The following SCAI variants were observed in gnomAD, a reference collection of about 807,000 sequenced individuals.
SCAI encodes the protein protein SCAI.
A neutral mutation model predicts 92.2 loss-of-function variants in SCAI; 24 were observed. That is an observed-to-expected ratio of 0.26 (90% CI 0.19 to 0.37). The LOEUF is 0.37. SCAI is among the 10% of genes least tolerant of loss of function. SCAI has a pLI of 1.00. For missense variants in SCAI, 450 were observed against 736.2 expected, an observed-to-expected ratio of 0.61 and a Z score of 4.50; for synonymous variants, 261 against 258.6, an observed-to-expected ratio of 1.01 and a Z score of -0.09.
chr9:125,126,937 A>C (rs1218909038), intron 2 of SCAI, among the ~76,000 whole-genome samples: 1 of 152,172 alleles, frequency 6.6e-6, no homozygotes, highest in Non-Finnish European at 1.5e-5. Context: ...AGGTTTGTGC[A>C]TGTTTTCTGA....
intron 17 of SCAI, among the ~76,000 whole-genome samples, chr9:124,963,192 A>G (rs962081536): frequency 6.6e-6 from 1 of 150,382 alleles, no homozygotes; most frequent in Admixed American, 6.6e-5. Context: ...GCTGGAGTAC[A>G]ATGGTGCAAT....
chr9:125,027,165 C>T (rs2131084137), intron 5 of SCAI, among the ~76,000 whole-genome samples: 1 of 152,286 alleles, frequency 6.6e-6, no homozygotes, highest in South Asian at 2.1e-4. Flanking sequence ...ACATTATCCT[C>T]ATTCTTTGAA....
At chr9:125,074,055 C>A (rs1311927890) in intron 2 of SCAI, among the ~76,000 whole-genome samples, 1 of 151,320 alleles carries the variant, frequency 6.6e-6, no homozygotes, top group African/African-American at 2.4e-5. Flanking sequence ...GTCAAGAGAT[C>A]GAGACCGTCC....
At chr9:125,022,725 G>A (rs1392141726) in intron 6 of SCAI, among the ~76,000 whole-genome samples, 4 of 152,120 alleles carry the variant, frequency 2.6e-5, no homozygotes, top group Non-Finnish European at 5.9e-5. Flanking sequence ...GCCTCGAAGA[G>A]TCTCTTAAAA....
chr9:125,084,232 G>A lies in SCAI; in HGVS notation c.99-28225C>T, dbSNP rs549015677. 3.0e-5 allele frequency among the ~76,000 whole-genome samples: 4 copies of A among 132,224 alleles called. No individual in the cohort carries two copies. In the East Asian group the frequency reaches 6.8e-4, roughly 23 times the overall value. The allele number at this position is 132,224 out of a possible 152,430, so 86.7% of individuals were successfully genotyped here. ...TTTGCCCAGGCCGGAGTGCAGTGGC[G>A]CTATCTCGGCTCACTGCAAGCTCCG... On this transcript the variant is annotated intron_variant, in intron 2 of 17. Coordinates refer to ENST00000336505, the MANE Select transcript of SCAI (RefSeq NM_001144877.3).
chr9:125,139,884 C>T (rs1835625751), intron 2 of SCAI, among the ~76,000 whole-genome samples: 1 of 152,102 alleles, frequency 6.6e-6, no homozygotes, highest in Non-Finnish European at 1.5e-5. Flanking sequence ...AAATACAATG[C>T]AAGTTAAATG....
intron 2 of SCAI, among the ~76,000 whole-genome samples, chr9:125,127,316 T>TA (rs1835298354): frequency 2.0e-5 from 3 of 152,128 alleles, no homozygotes; most frequent in Non-Finnish European, 4.4e-5. Flanking sequence ...CACATAACTC[T>TA]AAGGAGGGGT....
At chr9:124,994,782 A>C in intron 14 of SCAI, 152 bp downstream of exon 14, 351 of 422,830 alleles carry the variant, frequency 8.3e-4, no homozygotes, top group East Asian at 1.2e-3. Flanking sequence ...GATCCTGACT[A>C]GCATGCACAA....
intron 14 of SCAI, among the ~76,000 whole-genome samples, chr9:124,985,994 A>C (rs1340642280): frequency 2.0e-5 from 3 of 151,996 alleles, no homozygotes; most frequent in Admixed American, 6.6e-5. Context: ...AGAAACTATA[A>C]AAAGGGCAAT....
At chr9:125,106,490 A>G (rs1834803424) in intron 2 of SCAI, among the ~76,000 whole-genome samples, 1 of 152,052 alleles carries the variant, frequency 6.6e-6, no homozygotes, top group Non-Finnish European at 1.5e-5. Flanking sequence ...TATACTTTAT[A>G]GAAAGAGACC....
chr9:124,968,829 A>G (rs1831595370), intron 17 of SCAI: 2 of 665,004 alleles, frequency 3.0e-6, no homozygotes, highest in Non-Finnish European at 5.4e-6. Context: ...GAGCGGGGCC[A>G]ATTCTGCTGG....
Position 125,091,049 on chromosome 9 carries a change from G to A in SCAI, c.99-35042C>T, listed in dbSNP as rs535583403. Among the ~76,000 whole-genome samples, 7 of 152,234 alleles carry A rather than the reference G, an allele frequency of 4.6e-5. No individual in the cohort carries two copies. Among genetic ancestry groups the A allele is most frequent in the South Asian group, 2.1e-4 (1 of 4,824 alleles). ...AGGAGAATAGGTGAACCCGGGAGGC[G>A]GAGCTTGCAGTGAGCTGAGATCGCG... is the stretch of plus-strand genomic sequence containing the variant. On this transcript the variant is annotated intron_variant, in intron 2 of 17. Coordinates refer to ENST00000336505, the MANE Select transcript of SCAI (RefSeq NM_001144877.3). This position sits in a 1 kb window ranked among gnomAD's most constrained non-coding sequence, Gnocchi z 4.3.
At chr9:124,998,499 C>T (rs985602712) in intron 13 of SCAI, among the ~76,000 whole-genome samples, 2 of 151,624 alleles carry the variant, frequency 1.3e-5, no homozygotes, top group Admixed American at 1.3e-4. Context: ...GGTAGGGGAA[C>T]GGGGAACGGA....
At chr9:125,138,825 G>A (rs571702678) in intron 2 of SCAI, among the ~76,000 whole-genome samples, 15 of 152,184 alleles carry the variant, frequency 9.9e-5, no homozygotes, top group East Asian at 9.7e-4. Context: ...CTGGGATTAC[G>A]GGCGTGAGCC....
chr9:124,992,370 G>C (rs572354454), intron 14 of SCAI, among the ~76,000 whole-genome samples: 7 of 151,530 alleles, frequency 4.6e-5, no homozygotes, highest in Non-Finnish European at 7.4e-5. Flanking sequence ...CTCCATATGG[G>C]GTTCTCTTTT....
At chr9:124,962,415 C>T (rs1353565378) in intron 17 of SCAI, among the ~76,000 whole-genome samples, 2 of 152,084 alleles carry the variant, frequency 1.3e-5, no homozygotes, top group Non-Finnish European at 2.9e-5. Flanking sequence ...CCCGCTGTGG[C>T]CTGCCAAAGT....
intron 2 of SCAI, among the ~76,000 whole-genome samples, chr9:125,128,765 T>A (rs527711865): frequency 3.9e-4 from 56 of 144,668 alleles, no homozygotes; most frequent in African/African-American, 1.2e-3. Context: ...AAAAAAAAAA[T>A]AAATAATTGA....
At chr9:124,962,657 T>C (rs1366104380) in intron 17 of SCAI, among the ~76,000 whole-genome samples, 1 of 152,162 alleles carries the variant, frequency 6.6e-6, no homozygotes, top group Non-Finnish European at 1.5e-5. Flanking sequence ...GCAACCACAA[T>C]GGCAAACCTT....
intron 2 of SCAI, among the ~76,000 whole-genome samples, chr9:125,072,815 C>T (rs1311547119): frequency 1.3e-5 from 2 of 152,120 alleles, no homozygotes; most frequent in Non-Finnish European, 2.9e-5. Flanking sequence ...GCTTACTTCA[C>T]TTGGCATTAT....
Sources: gnomAD v4.1 joint callset for allele counts (sites outside exome capture counted in the v4.1 genomes callset) on GRCh38, gnomAD v4.1.1 for gene constraint, Gnocchi (gnomAD v3.1) non-coding constraint, MANE v1.5 for transcripts, NCBI Gene and HGNC (gene_info 2026-07-23, HGNC 2026-07-21) for gene names.